PRKD1: variants seen among roughly 807,000 people sequenced by gnomAD.
PRKD1 encodes the protein protein kinase D1.
PRKD1 carries 63 observed loss-of-function variants against 95.9 expected under a neutral mutation model. The observed-to-expected ratio is 0.66, with a 90% CI of 0.54 to 0.81. The LOEUF (loss-of-function observed/expected upper bound fraction) is 0.81, where lower values mean the gene tolerates loss of function less well. Among genes scored for constraint, PRKD1 ranks in the 30% least tolerant of loss-of-function variants. PRKD1 has a pLI of 0.00. For missense variants in PRKD1, 1,048 were observed against 1,165.3 expected (o/e 0.90, Z 1.47); for synonymous variants, 425 against 423.1 (o/e 1.00, Z -0.05).
intron 1 of PRKD1, among the ~76,000 whole-genome samples, chr14:29,924,430 T>C (rs1195229738): frequency 1.3e-5 from 2 of 152,228 alleles, no homozygotes; most frequent in Admixed American, 6.5e-5. Context: ...GGGAAACTTA[T>C]GCAGCCTTGT....
In PRKD1 at chr14:29,656,825, T is replaced by C. The variant is rs192742497; in HGVS notation, c.696+6874A>G. Among the ~76,000 whole-genome samples, 15 of 152,352 alleles carry C rather than the reference T, an allele frequency of 9.8e-5. No individual in the cohort carries two copies. The South Asian group carries it at 1.9e-3, about 19-fold the overall frequency. On this transcript the variant is annotated intron_variant, in intron 4 of 17. Transcript: ENST00000331968. ...GATGAACGATGGTTCTTTCACCTCA[T>C]TGAAAATAAATTATAGTCAAAATGA...
intron 13 of PRKD1, among the ~76,000 whole-genome samples, chr14:29,608,531 T>G (rs1878185224): frequency 6.6e-6 from 1 of 152,218 alleles, no homozygotes; most frequent in Non-Finnish European, 1.5e-5. Context: ...AAATTATACA[T>G]TTTTCTCAAG....
At chr14:29,753,291 T>C (rs530225343) in intron 1 of PRKD1, among the ~76,000 whole-genome samples, 1 of 152,260 alleles carries the variant, frequency 6.6e-6, no homozygotes, top group African/African-American at 2.4e-5. Flanking sequence ...GTATCCACTA[T>C]CTGCAATGCT....
At chr14:29,868,490 G>T (rs1299707758) in intron 1 of PRKD1, among the ~76,000 whole-genome samples, 1 of 152,196 alleles carries the variant, frequency 6.6e-6, no homozygotes, top group Non-Finnish European at 1.5e-5. Flanking sequence ...ATGCTGTAAA[G>T]AAGTCTGTAT....
intron 1 of PRKD1, among the ~76,000 whole-genome samples, chr14:29,900,783 T>C (rs1267484705): frequency 6.6e-6 from 1 of 152,132 alleles, no homozygotes; most frequent in Non-Finnish European, 1.5e-5. Flanking sequence ...CACAATGAGA[T>C]ACCATCTCAC....
chr14:29,613,245 G>T (rs1027317100), intron 13 of PRKD1, among the ~76,000 whole-genome samples: 2 of 152,182 alleles, frequency 1.3e-5, no homozygotes, highest in Admixed American at 6.5e-5. Context: ...TTTTCCTCTA[G>T]AGAAATAATT....
intron 13 of PRKD1, among the ~76,000 whole-genome samples, chr14:29,610,739 C>T (rs2139047327): frequency 6.6e-6 from 1 of 152,258 alleles, no homozygotes; most frequent in African/African-American, 2.4e-5. Context: ...TTTATAATTG[C>T]CAAAACTTGC....
At chr14:29,654,831 A>G (rs1167511094) in intron 4 of PRKD1, among the ~76,000 whole-genome samples, 2 of 152,234 alleles carry the variant, frequency 1.3e-5, no homozygotes, top group Non-Finnish European at 2.9e-5. Flanking sequence ...AACTGTCACT[A>G]AAACATTTCT....
rs1836385689 is a variant in PRKD1, at chr14:29,725,745, G to A, written c.265-71C>T. The A allele has an allele frequency of 3.8e-5, 57 of 1,506,216 alleles. 3 individuals are homozygous for A. In the South Asian group the frequency reaches 6.5e-4, roughly 17 times the overall value. 93.3% of individuals were successfully genotyped at this position (1,506,216 alleles called of 1,614,324 possible). A position where few individuals can be genotyped will look rare whatever the true frequency, so the allele number is the denominator to read the frequency against. Reference sequence around the variant, plus strand: ...AAATATTTTGTTTTAAATATTTCAGGGCACAAATACAAGCTAATTAGAAAA... The same window carrying A: ...AAATATTTTGTTTTAAATATTTCAGAGCACAAATACAAGCTAATTAGAAAA... On this transcript the variant is annotated intron_variant, in intron 1 of 17. Coordinates refer to ENST00000331968, the MANE Select transcript of PRKD1 (RefSeq NM_002742.3).
chr14:29,751,304 G>C (rs1887469341), intron 1 of PRKD1: 1 of 152,206 alleles, frequency 6.6e-6, no homozygotes, highest in Non-Finnish European at 1.5e-5. Flanking sequence ...AAGTAGGGGA[G>C]GCCATGTGAT....
At chr14:29,786,336 G>C (rs1184274457) in intron 1 of PRKD1, among the ~76,000 whole-genome samples, 1 of 152,028 alleles carries the variant, frequency 6.6e-6, no homozygotes, top group African/African-American at 2.4e-5. Context: ...TTTTGGTGTC[G>C]AGGGAATGCT....
intron 1 of PRKD1, among the ~76,000 whole-genome samples, chr14:29,768,591 C>A (rs1450220462): frequency 6.6e-6 from 1 of 152,046 alleles, no homozygotes; most frequent in Non-Finnish European, 1.5e-5. Context: ...ACATGTGTAT[C>A]TGGCCTCAAA....
At position 29,630,973 on chromosome 14, in the gene PRKD1, C is replaced by G. The variant is rs151073459; in HGVS notation, c.1441G>C (p.Ala481Pro). ...ILSLEPVKTSALIPNGANPHC... is the reference protein window; with the variant it reads ...ILSLEPVKTSPLIPNGANPHC... The stretch of plus-strand genomic sequence containing the variant: ...GGATTGGCCCCATTAGGAATTAAAG[C>G]TGAAGTTTTTACTGGTTCCAGAGAC... Residue 481 changes from alanine (A) to proline (P), a missense_variant, in exon 10 of 18, where the codon GCT becomes CCT. Physicochemically the swap from Ala to Pro is conservative, Grantham distance 27. Around this residue, in one of 3 missense-constraint regions of PRKD1, gnomAD observed 739 missense variants for 861.9 expected, o/e 0.86. Coordinates refer to ENST00000331968, the MANE Select transcript of PRKD1 (RefSeq NM_002742.3). 2.5e-6 allele frequency: 4 copies of G among 1,613,564 alleles called. No individual in the cohort carries two copies. The African/African-American group carries it at 5.3e-5, about 22-fold the overall frequency.
intron 7 of PRKD1, 39 bp downstream of exon 7, chr14:29,636,251 G>A: frequency 6.2e-7 from 1 of 1,609,428 alleles, no homozygotes; most frequent in Non-Finnish European, 8.5e-7. Flanking sequence ...TACTGCCTGG[G>A]GTTCCCCTGT....
At chr14:29,617,075 T>C (rs1391067830) in intron 13 of PRKD1, among the ~76,000 whole-genome samples, 6 of 152,182 alleles carry the variant, frequency 3.9e-5, no homozygotes, top group Non-Finnish European at 8.8e-5. Flanking sequence ...GTTCCTGTGT[T>C]AGTTTGCCTA....
chr14:29,646,625 C>A (rs1471612967), intron 4 of PRKD1, among the ~76,000 whole-genome samples: 1 of 151,838 alleles, frequency 6.6e-6, no homozygotes, highest in Non-Finnish European at 1.5e-5. Flanking sequence ...CCAGAGATTT[C>A]TTTTTTATAT....
chr14:29,711,764 C>T lies in PRKD1; in HGVS notation c.403+13772G>A, dbSNP rs560626517. On this transcript the variant is annotated intron_variant, in intron 2 of 17. Transcript: ENST00000331968. ...TTAGTACTGTTAATCTTGATGGAGA[C>T]GTACAGTAAATAAAGGCCTATCAAG... 8.5e-5 allele frequency among the ~76,000 whole-genome samples: 13 copies of T among 152,082 alleles called. No homozygotes were observed. In the East Asian group the frequency reaches 1.4e-3, roughly 16 times the overall value.
chr14:29,720,050 A>T (rs1885809985), intron 2 of PRKD1, among the ~76,000 whole-genome samples: 1 of 152,236 alleles, frequency 6.6e-6, no homozygotes, highest in Admixed American at 6.5e-5. Flanking sequence ...TTAAAGGACC[A>T]GGATTCCCTT....
chr14:29,779,853 A>C (rs1888960337), intron 1 of PRKD1, among the ~76,000 whole-genome samples: 2 of 152,212 alleles, frequency 1.3e-5, no homozygotes, highest in South Asian at 4.1e-4. Context: ...CAAAAGAACA[A>C]AGCTGGAGGC....
Sources: allele counts gnomAD v4.1 joint callset (sites outside exome capture counted in the v4.1 genomes callset), GRCh38; gene constraint gnomAD v4.1.1; regional missense constraint gnomAD v4.1.1; transcripts MANE v1.5; gene names NCBI Gene and HGNC (gene_info 2026-07-23, HGNC 2026-07-21).